KLC1: variants seen among roughly 807,000 people sequenced by gnomAD.
The protein encoded by KLC1 is kinesin 2 60/70kDa.
Under a neutral mutation model 84.2 loss-of-function variants are expected in KLC1, and 30 were observed. The ratio of observed to expected loss-of-function variants is 0.36; its 90% CI spans 0.27 to 0.48. The LOEUF is 0.48. Among genes scored for constraint, KLC1 ranks in the 20% least tolerant of loss-of-function variants. KLC1 has a pLI of 0.99. For synonymous variants in KLC1, 289 were observed against 293.3 expected (o/e 0.99, Z 0.15); for missense variants, 499 against 805.4 (o/e 0.62, Z 4.60).
chr14:103,682,798 T>G (rs1162032980), intron 13 of KLC1: 9 of 150,034 alleles, frequency 6.0e-5, no homozygotes, highest in Admixed American at 4.6e-4. Flanking sequence ...TTTTTTTTTT[T>G]TTTTGAGATG....
chr14:103,662,008 C>A (rs184288157), intron 3 of KLC1, 108 bp from the exon 4 acceptor site: 2 of 762,534 alleles, frequency 2.6e-6, no homozygotes, highest in Admixed American at 2.1e-5. Context: ...AAAAACTGAT[C>A]ATCTTTTCTA....
At chr14:103,661,268 G>A (rs1022958435) in intron 3 of KLC1, among the ~76,000 whole-genome samples, 2 of 152,108 alleles carry the variant, frequency 1.3e-5, no homozygotes, top group Admixed American at 1.3e-4. Context: ...GTTTCACTGT[G>A]TCCCAGGGTC....
At chr14:103,686,068 G>T in intron 13 of KLC1, 1 of 1,016,476 alleles carries the variant, frequency 9.8e-7, no homozygotes. Flanking sequence ...TGGGGGCCCC[G>T]CTCGGACTCC....
At chr14:103,673,541 C>T (rs1211447047) in intron 9 of KLC1, 110 bp downstream of exon 9, 4 of 666,292 alleles carry the variant, frequency 6.0e-6, no homozygotes, top group Middle Eastern at 4.1e-4. Flanking sequence ...CTTTGTACAT[C>T]ACTAAGCTAA....
intron 11 of KLC1, among the ~76,000 whole-genome samples, 171 bp downstream of exon 11, chr14:103,675,927 C>G (rs1228607686): frequency 6.6e-6 from 1 of 152,214 alleles, no homozygotes; most frequent in Non-Finnish European, 1.5e-5. Context: ...AATGAGATCA[C>G]TTACATGTAT....
chr14:103,701,204 C>A lies in KLC1; in HGVS notation c.*5C>A. Reference sequence around the variant, plus strand: ...GACCTTCTATCTTCTCTTGCAGTGACCCCGACCTGGCCCCGCTCCAGGATG... The same window carrying A: ...GACCTTCTATCTTCTCTTGCAGTGAACCCGACCTGGCCCCGCTCCAGGATG... On this transcript the variant is annotated 3_prime_UTR_variant, in exon 17 of 17. Transcript: ENST00000334553. The A allele has an allele frequency of 7.7e-6, 12 of 1,550,788 alleles. No individual in the cohort carries two copies. Among genetic ancestry groups the A allele is most frequent in the Non-Finnish European group, 1.0e-5 (12 of 1,146,434 alleles).
intron 15 of KLC1, chr14:103,696,376 T>A: frequency 1.0e-6 from 1 of 985,416 alleles, no homozygotes; most frequent in East Asian, 1.1e-4. Context: ...TTGGAGGGAT[T>A]CACATCGTTG....
chr14:103,647,087 G>C (rs2077999554), intron 1 of KLC1, among the ~76,000 whole-genome samples: 1 of 152,088 alleles, frequency 6.6e-6, no homozygotes, highest in South Asian at 2.1e-4. Context: ...AGTTACACGG[G>C]TACAAATCCT....
intron 7 of KLC1, 56 bp downstream of exon 7, chr14:103,670,339 G>GTTTTT: frequency 1.9e-5 from 16 of 845,796 alleles, no homozygotes; most frequent in Non-Finnish European, 2.8e-5. Flanking sequence ...TGTGTGTGTG[G>GTTTTT]TTTTTTTTTT....
At chr14:103,642,882 T>C (rs910561714) in intron 1 of KLC1, among the ~76,000 whole-genome samples, 1 of 151,630 alleles carries the variant, frequency 6.6e-6, no homozygotes, top group Non-Finnish European at 1.5e-5. Flanking sequence ...AATTCTCCTG[T>C]CTCAGCCTCC....
chr14:103,693,579 G>T lies in KLC1; in HGVS notation c.1848+1154G>T. The T allele has an allele frequency of 6.5e-7, 1 of 1,536,050 alleles. No homozygotes were observed. The highest frequency in any genetic ancestry group is 8.7e-7 in the Non-Finnish European group (1 of 1,146,888). Reference sequence around the variant, plus strand: ...AACGAAATAATTGTCTGGCCGACTCGCGAGCTCTGAGTGCCAGCCACACTG... The same window carrying T: ...AACGAAATAATTGTCTGGCCGACTCTCGAGCTCTGAGTGCCAGCCACACTG... On this transcript the variant is annotated intron_variant, in intron 15 of 16. Coordinates refer to ENST00000334553, the MANE Select transcript of KLC1 (RefSeq NM_001394837.1). The surrounding 1 kb of genome is among the most constrained non-coding windows in gnomAD (Gnocchi z 5.1).
At chr14:103,664,827 T>C (rs1013547663) in intron 5 of KLC1, among the ~76,000 whole-genome samples, 84 of 150,704 alleles carry the variant, frequency 5.6e-4, no homozygotes, top group African/African-American at 2.0e-3. Flanking sequence ...GGCTTTTTTT[T>C]TTTTTTTTTT....
chr14:103,678,211 C>T (rs141284393), intron 12 of KLC1, among the ~76,000 whole-genome samples: 35 of 152,038 alleles, frequency 2.3e-4, no homozygotes, highest in African/African-American at 7.0e-4. Flanking sequence ...TGCAGTGAGC[C>T]GAGATTGCAC....
intron 15 of KLC1, chr14:103,696,019 C>T (rs926755112): frequency 1.8e-5 from 18 of 984,874 alleles, no homozygotes; most frequent in East Asian, 1.1e-4. Flanking sequence ...TGTGTGTGGT[C>T]GTTCTGGTGA....
intron 15 of KLC1, chr14:103,700,033 C>A (rs2083006749): frequency 7.4e-6 from 2 of 269,874 alleles, no homozygotes; most frequent in Admixed American, 9.7e-5. Context: ...CAAAGCCAGC[C>A]CGTGGTGGCC....
chr14:103,647,818 T>G (rs10149338), intron 1 of KLC1, among the ~76,000 whole-genome samples: 149,731 of 149,732 alleles, frequency 1, 74,865 homozygotes, highest in Middle Eastern at 1. Context: ...GGAGGTTGCA[T>G]TGAGCCGAGA....
intron 15 of KLC1, chr14:103,696,950 G>A: frequency 1.0e-6 from 1 of 985,426 alleles, no homozygotes; most frequent in Non-Finnish European, 1.2e-6. Context: ...GGGACGGGAA[G>A]CCCCTCGGCC....
At chr14:103,630,615 A>G (rs1339907872) in intron 1 of KLC1, among the ~76,000 whole-genome samples, 4 of 152,324 alleles carry the variant, frequency 2.6e-5, no homozygotes, top group Non-Finnish European at 5.9e-5. Context: ...AAGACACTTT[A>G]GAAAACTGGA....
At chr14:103,672,389 T>C (rs888595839) in intron 7 of KLC1, among the ~76,000 whole-genome samples, 2 of 152,182 alleles carry the variant, frequency 1.3e-5, no homozygotes, top group East Asian at 1.9e-4. Context: ...GGAGATTACA[T>C]TGGTGAAGAA....
Sources: gnomAD v4.1 joint callset for allele counts (sites outside exome capture counted in the v4.1 genomes callset) on GRCh38, gnomAD v4.1.1 for gene constraint, Gnocchi (gnomAD v3.1) non-coding constraint, MANE v1.5 for transcripts, NCBI Gene and HGNC (gene_info 2026-07-23, HGNC 2026-07-21) for gene names.